PDE1C: variants seen among roughly 807,000 people sequenced by gnomAD.
PDE1C encodes the protein phosphodiesterase 1C.
In PDE1C, 62 loss-of-function variants were observed where a neutral mutation model predicts 93.1. The ratio of observed to expected loss-of-function variants is 0.67; its 90% CI spans 0.54 to 0.82. The LOEUF (loss-of-function observed/expected upper bound fraction) is 0.82, where lower values mean the gene tolerates loss of function less well. PDE1C is among the 40% of genes least tolerant of loss of function. PDE1C has a pLI of 0.00. For synonymous variants in PDE1C, 325 were observed against 310.1 expected (o/e 1.05, Z -0.50); for missense variants, 742 against 884.6 (o/e 0.84, Z 2.04).
chr7:32,298,790 C>T (rs1207083771), exon 1 of PDE1C: 3 of 1,539,162 alleles, frequency 1.9e-6, no homozygotes, highest in Non-Finnish European at 2.6e-6. Context: ...TCTGCGGTCC[C>T]CCCCACGGCG....
intron 2 of PDE1C, among the ~76,000 whole-genome samples, chr7:32,028,852 T>TC (rs1348027342): frequency 6.6e-6 from 1 of 151,938 alleles, no homozygotes; most frequent in Non-Finnish European, 1.5e-5. Flanking sequence ...TTCCTTCCCT[T>TC]CCCCCCAGCC....
intron 1 of PDE1C, among the ~76,000 whole-genome samples, chr7:32,279,646 A>G (rs1811499931): frequency 6.6e-6 from 1 of 152,162 alleles, no homozygotes; most frequent in South Asian, 2.1e-4. Context: ...TAATCTATAT[A>G]CCAAAAAAGA....
chr7:31,983,528 G>A (rs1169653271), intron 2 of PDE1C, among the ~76,000 whole-genome samples: 1 of 152,156 alleles, frequency 6.6e-6, no homozygotes, highest in African/African-American at 2.4e-5. Flanking sequence ...ATTAGAAAGT[G>A]AAACAAATGT....
the PDE1C span, among the ~76,000 whole-genome samples, chr7:31,657,193 C>T: frequency 1.1e-4 from 1 of 8,792 alleles, no homozygotes; most frequent in African/African-American, 5.6e-4. Context: ...CACGCACACT[C>T]GTTCAAAAAG....
At chr7:32,207,382 C>T (rs1013203505) in intron 2 of PDE1C, among the ~76,000 whole-genome samples, 19 of 152,032 alleles carry the variant, frequency 1.2e-4, no homozygotes, top group Non-Finnish European at 1.9e-4. Context: ...ACTTATCATC[C>T]GAATCCTCCC....
At chr7:32,150,126 C>T (rs1406556515) in intron 3 of PDE1C, among the ~76,000 whole-genome samples, 1 of 152,198 alleles carries the variant, frequency 6.6e-6, no homozygotes, top group Admixed American at 6.5e-5. Flanking sequence ...ACTCCCAGCA[C>T]CGGATTCAAC....
At chr7:31,747,003 A>T (rs1417843939), downstream of PDE1C, among the ~76,000 whole-genome samples, 1 of 152,160 alleles carries the variant, frequency 6.6e-6, no homozygotes, top group Non-Finnish European at 1.5e-5. Context: ...ATGCTTCATG[A>T]CATGGGTTCA....
intron 2 of PDE1C, among the ~76,000 whole-genome samples, chr7:31,902,717 GA>G (rs1439910164): frequency 6.6e-6 from 1 of 151,466 alleles, no homozygotes; most frequent in Non-Finnish European, 1.5e-5. Flanking sequence ...ATCACACGAT[GA>G]AAAAATCTTC....
intron 3 of PDE1C, among the ~76,000 whole-genome samples, chr7:32,098,881 TGAG>T (rs1482380754): frequency 6.6e-6 from 1 of 152,200 alleles, no homozygotes; most frequent in East Asian, 1.9e-4. Flanking sequence ...AGCCAGGGGC[TGAG>T]GAGGAGGACA....
intron 1 of PDE1C, among the ~76,000 whole-genome samples, chr7:32,212,025 C>CAAAAAAAAAAAAAAAAAAAA (rs35827566): frequency 3.7e-5 from 3 of 81,270 alleles, no homozygotes; most frequent in South Asian, 4.4e-4. Context: ...GAACCTATCT[C>CAAAAAAAAAAAAAAAAAAAA]AAAAAAAAAA....
chr7:32,389,069 C>T (rs1784696868), intron 1 of PDE1C, among the ~76,000 whole-genome samples: 1 of 151,708 alleles, frequency 6.6e-6, no homozygotes, highest in East Asian at 1.9e-4. Flanking sequence ...TCAAATTATA[C>T]TGATGTAAAT....
Position 32,262,868 on chromosome 7 carries a change from C to T in PDE1C, c.85+35783G>A, listed in dbSNP as rs117215522. 9.2e-5 allele frequency among the ~76,000 whole-genome samples: 14 copies of T among 152,356 alleles called. No homozygotes were observed. The East Asian group carries it at 2.5e-3, about 27-fold the overall frequency. On this transcript the variant is annotated intron_variant, in intron 1 of 18. Coordinates refer to the PDE1C transcript ENST00000396193. ...GGCCTAGGTGTAGGGGCTAAACCTTCTACCTAAAGGCTCTCCTTGCCCCAT... is the reference window on the plus strand; with the variant it reads ...GGCCTAGGTGTAGGGGCTAAACCTTTTACCTAAAGGCTCTCCTTGCCCCAT...
the PDE1C span, among the ~76,000 whole-genome samples, chr7:31,730,345 C>T: frequency 3.9e-5 from 6 of 152,200 alleles, no homozygotes; most frequent in Non-Finnish European, 8.8e-5. Context: ...TTTCTGCTCT[C>T]TTCCCTCTGC....
At chr7:32,367,420 C>A (rs1585127960) in intron 1 of PDE1C, among the ~76,000 whole-genome samples, 1 of 152,142 alleles carries the variant, frequency 6.6e-6, no homozygotes, top group East Asian at 1.9e-4. Context: ...TCAATAATAA[C>A]CCTGAATGTA....
chr7:31,983,851 G>A (rs1034812602), intron 2 of PDE1C, among the ~76,000 whole-genome samples: 5 of 152,168 alleles, frequency 3.3e-5, no homozygotes, highest in Non-Finnish European at 2.9e-5. Context: ...CAACATGAGA[G>A]CATCAGATCA....
chr7:31,692,567 G>A, the PDE1C span: 1 of 1,533,676 alleles, frequency 6.5e-7, no homozygotes, highest in Non-Finnish European at 9.0e-7. Context: ...GGAAGTCAGA[G>A]AAGAGGCGTC....
intron 2 of PDE1C, among the ~76,000 whole-genome samples, chr7:32,021,748 A>T (rs1462167573): frequency 1.3e-5 from 2 of 152,182 alleles, no homozygotes; most frequent in East Asian, 3.9e-4. Flanking sequence ...GTCTATCCAC[A>T]GGTAGACAAT....
chr7:32,413,877 T>C (rs561758704), intron 1 of PDE1C, among the ~76,000 whole-genome samples: 55 of 152,226 alleles, frequency 3.6e-4, no homozygotes, highest in African/African-American at 1.3e-3. Context: ...CAGAATTGTT[T>C]ATAATAGAGA....
chr7:31,889,501 ACTGCATACT>A (rs1798366185), intron 2 of PDE1C, among the ~76,000 whole-genome samples: 1 of 152,342 alleles, frequency 6.6e-6, no homozygotes, highest in African/African-American at 2.4e-5. Context: ...CAAGGGCATC[ACTGCATACT>A]CTGTCTTGGT....
Sources: gnomAD v4.1 joint callset for allele counts (sites outside exome capture counted in the v4.1 genomes callset) on GRCh38, gnomAD v4.1.1 for gene constraint, MANE v1.5 for transcripts, NCBI Gene and HGNC (gene_info 2026-07-23, HGNC 2026-07-21) for gene names.